Variants in GLG1 observed in about 807,000 individuals in gnomAD.
GLG1 encodes golgi glycoprotein 1.
Under a neutral mutation model 160.5 loss-of-function variants are expected in GLG1, and 38 were observed. That is an observed-to-expected ratio of 0.24 (90% CI 0.18 to 0.31). The LOEUF (loss-of-function observed/expected upper bound fraction) is 0.31, where lower values mean the gene tolerates loss of function less well. Ranked by LOEUF, GLG1 falls within the 10% of genes least tolerant of loss-of-function variation. The pLI, the probability that GLG1 is intolerant of heterozygous loss-of-function variation, is 1.00. For missense variants in GLG1, 1,373 were observed against 1,505.2 expected, an observed-to-expected ratio of 0.91 and a Z score of 1.45; for synonymous variants, 644 against 543.4, an observed-to-expected ratio of 1.19 and a Z score of -2.57.
chr16:74,448,812 G>C lies in GLG1; in HGVS notation c.*4355C>G, dbSNP rs2014175014. ...TGGCTCACGCCTGTAATGCACTTTGGAAGGCCGAAGTGCACTTTGGCCGAA... is the reference window on the plus strand; with the variant it reads ...TGGCTCACGCCTGTAATGCACTTTGCAAGGCCGAAGTGCACTTTGGCCGAA... On this transcript the variant is annotated 3_prime_UTR_variant, in exon 26 of 26. Transcript: ENST00000422840. 1 of 151,494 alleles carries C rather than the reference G, an allele frequency of 6.6e-6. No individual in the cohort carries two copies. Among genetic ancestry groups the C allele is most frequent in the African/African-American group, 2.4e-5 (1 of 41,200 alleles). The allele number at this position is 151,494 out of a possible 1,614,324, so 9.4% of individuals were successfully genotyped here.
At chr16:74,576,173 C>G (rs879803117) in intron 1 of GLG1, among the ~76,000 whole-genome samples, 11 of 151,338 alleles carry the variant, frequency 7.3e-5, no homozygotes, top group Non-Finnish European at 1.0e-4. Context: ...CTCCAGTCTG[C>G]GCGACAGAGC....
intron 1 of GLG1, among the ~76,000 whole-genome samples, chr16:74,564,342 G>C (rs1390106930): frequency 6.6e-6 from 1 of 152,152 alleles, no homozygotes; most frequent in Admixed American, 6.5e-5. Flanking sequence ...CTCATTCTTT[G>C]ATCTATTTGA....
chr16:74,573,348 T>G (rs1251464489), intron 1 of GLG1, among the ~76,000 whole-genome samples: 1 of 152,046 alleles, frequency 6.6e-6, no homozygotes, highest in Non-Finnish European at 1.5e-5. Context: ...TTTTAAAAAT[T>G]GCTTTTTAAG....
At chr16:74,518,087 G>C (rs890517155) in intron 2 of GLG1, among the ~76,000 whole-genome samples, 11 of 151,980 alleles carry the variant, frequency 7.2e-5, no homozygotes, top group African/African-American at 2.4e-4. Context: ...CATGCTCGTG[G>C]ATAGAAGAAT....
intron 4 of GLG1, among the ~76,000 whole-genome samples, chr16:74,500,078 A>T (rs987407803): frequency 6.6e-6 from 1 of 152,086 alleles, no homozygotes; most frequent in Non-Finnish European, 1.5e-5. Context: ...TCAGATAAAT[A>T]TTTTTTTCAA....
chr16:74,462,281 A>C, intron 21 of GLG1, 86 bp from the exon 22 acceptor site: 1 of 828,046 alleles, frequency 1.2e-6, no homozygotes, highest in South Asian at 1.5e-5. Context: ...AAAACAAACA[A>C]CAACAACCAC....
intron 4 of GLG1, among the ~76,000 whole-genome samples, chr16:74,499,656 T>A (rs527673171): frequency 6.6e-6 from 1 of 152,172 alleles, no homozygotes; most frequent in Non-Finnish European, 1.5e-5. Flanking sequence ...TCTCATTGTA[T>A]CCTCATCGAT....
chr16:74,482,912 G>C, intron 10 of GLG1, 111 bp downstream of exon 10: 3 of 712,016 alleles, frequency 4.2e-6, no homozygotes, highest in Admixed American at 4.4e-5. Flanking sequence ...AGCTGTCCCA[G>C]AACTGAACAA....
In GLG1 at chr16:74,560,584, C is replaced by T. The variant is rs2018484627; in HGVS notation, c.439-28431G>A. 2.6e-5 allele frequency among the ~76,000 whole-genome samples: 4 copies of T among 152,282 alleles called. 1 individual carries two copies. The South Asian group carries it at 6.2e-4, about 24-fold the overall frequency. ...CCTTGAACTGACCTCAGGTGATCTG[C>T]CTGCCTCAGCCTACCAAAGTGCTGG... On this transcript the variant is annotated intron_variant, in intron 1 of 25. Coordinates refer to ENST00000422840, the MANE Select transcript of GLG1 (RefSeq NM_001145667.2).
chr16:74,506,081 A>ATT (rs71376213), intron 3 of GLG1, among the ~76,000 whole-genome samples: 14,827 of 101,838 alleles, frequency 0.15, 1,329 homozygotes, highest in Non-Finnish European at 0.18. Context: ...CCTGGAAAAG[A>ATT]TTTTTTTTTT....
At chr16:74,494,984 T>G (rs1338540027) in intron 5 of GLG1, among the ~76,000 whole-genome samples, 153 bp from the exon 6 acceptor site, 1 of 152,212 alleles carries the variant, frequency 6.6e-6, no homozygotes, top group Non-Finnish European at 1.5e-5. Flanking sequence ...TAATAGGCTT[T>G]TAACAAAAAC....
At chr16:74,597,851 CAA>C (rs34802935) in intron 1 of GLG1, among the ~76,000 whole-genome samples, 154 of 103,030 alleles carry the variant, frequency 1.5e-3, no homozygotes, top group Admixed American at 2.6e-3. Flanking sequence ...GAGACTGCCT[CAA>C]AAAAAAAAAA....
intron 1 of GLG1, among the ~76,000 whole-genome samples, chr16:74,542,260 C>G (rs994977282): frequency 5.4e-5 from 8 of 147,490 alleles, no homozygotes; most frequent in African/African-American, 2.0e-4. Flanking sequence ...GAATTATCAA[C>G]TTTGATATGG....
chr16:74,527,126 A>G (rs1195295484), intron 2 of GLG1, among the ~76,000 whole-genome samples: 1 of 152,036 alleles, frequency 6.6e-6, no homozygotes, highest in African/African-American at 2.4e-5. Context: ...ATATAAGAAT[A>G]TTCCAAAGTA....
chr16:74,580,331 T>TA (rs959837244), intron 1 of GLG1, among the ~76,000 whole-genome samples: 41 of 149,716 alleles, frequency 2.7e-4, no homozygotes, highest in East Asian at 7.8e-4. Context: ...CAAAAAAAAC[T>TA]AAAAAAAAAC....
At chr16:74,580,180 C>T (rs939036705) in intron 1 of GLG1, among the ~76,000 whole-genome samples, 2 of 151,948 alleles carry the variant, frequency 1.3e-5, no homozygotes, top group African/African-American at 4.8e-5. Flanking sequence ...ATAAAAGATG[C>T]TAAATCAAAA....
At chr16:74,511,819 A>G (rs2016817997) in intron 2 of GLG1, among the ~76,000 whole-genome samples, 1 of 152,138 alleles carries the variant, frequency 6.6e-6, no homozygotes, top group Non-Finnish European at 1.5e-5. Context: ...TCACCTTTTA[A>G]TTTGAAAACT....
At chr16:74,571,841 A>G (rs1365226441) in intron 1 of GLG1, among the ~76,000 whole-genome samples, 4 of 152,172 alleles carry the variant, frequency 2.6e-5, no homozygotes, top group Non-Finnish European at 5.9e-5. Context: ...TAAAAAGATT[A>G]GAAAACAAAA....
In GLG1 at chr16:74,587,607, G is replaced by A. The variant is rs963900151; in HGVS notation, c.438+19050C>T. 3.3e-5 allele frequency among the ~76,000 whole-genome samples: 5 copies of A among 152,208 alleles called. No homozygotes were observed. In the East Asian group the frequency reaches 7.7e-4, roughly 23 times the overall value. Reference sequence around the variant, plus strand: ...ATTACGGCTGGGCACGGTGGCTCACGCCTGTAATCCCAGCATTTCGGGAGG... The same window carrying A: ...ATTACGGCTGGGCACGGTGGCTCACACCTGTAATCCCAGCATTTCGGGAGG... On this transcript the variant is annotated intron_variant, in intron 1 of 25. Transcript: ENST00000422840.
Sources: gnomAD v4.1 joint callset for allele counts (sites outside exome capture counted in the v4.1 genomes callset) on GRCh38, gnomAD v4.1.1 for gene constraint, MANE v1.5 for transcripts, NCBI Gene and HGNC (gene_info 2026-07-23, HGNC 2026-07-21) for gene names.